PDE4D: variants seen among roughly 807,000 people sequenced by gnomAD.
The protein encoded by PDE4D is phosphodiesterase 4D.
A neutral mutation model predicts 87.4 loss-of-function variants in PDE4D; 24 were observed. The observed-to-expected ratio is 0.27, with a 90% CI of 0.20 to 0.39. The LOEUF is 0.39. PDE4D is among the 10% of genes least tolerant of loss of function. The pLI is 1.00. For synonymous variants in PDE4D, 384 were observed against 383.2 expected, an observed-to-expected ratio of 1.00 and a Z score of -0.02; for missense variants, 714 against 1,041.0, an observed-to-expected ratio of 0.69 and a Z score of 4.32.
chr5:59,701,787 A>G (rs556236409), intron 1 of PDE4D, among the ~76,000 whole-genome samples: 2 of 152,252 alleles, frequency 1.3e-5, no homozygotes, highest in Admixed American at 6.5e-5. Flanking sequence ...AAGCTTTAGT[A>G]CAGTTCACAC....
At chr5:60,316,393 G>T (rs189611778) in intron 1 of PDE4D, among the ~76,000 whole-genome samples, 1 of 152,094 alleles carries the variant, frequency 6.6e-6, no homozygotes, top group African/African-American at 2.4e-5. Context: ...GGGCTGAGAC[G>T]ATGGGGTTTT....
chr5:59,628,426 C>T lies in PDE4D; in HGVS notation c.455+264742G>A, dbSNP rs114922058. ...ATATCTGTGCTGTCCAATATAATAG[C>T]CACTAATGGATATTTAAATTTAGAT... is the stretch of plus-strand genomic sequence containing the variant. On this transcript the variant is annotated intron_variant, in intron 1 of 14. Coordinates refer to ENST00000340635, the MANE Select transcript of PDE4D (RefSeq NM_001104631.2). Among the ~76,000 whole-genome samples the T allele has an allele frequency of 3.6e-3, 548 of 152,228 alleles. 5 individuals carry two copies. The highest frequency in any genetic ancestry group is 0.013 in the African/African-American group (529 of 41,528).
At chr5:60,254,100 T>C (rs536338976) in intron 1 of PDE4D, among the ~76,000 whole-genome samples, 19 of 152,006 alleles carry the variant, frequency 1.2e-4, no homozygotes, top group Non-Finnish European at 2.4e-4. Flanking sequence ...CAAAAGATAA[T>C]GTAGCACTGT....
intron 2 of PDE4D, chr5:60,127,666 G>A: frequency 3.3e-6 from 2 of 599,256 alleles, no homozygotes; most frequent in Non-Finnish European, 6.0e-6. Flanking sequence ...AGAAAAATCA[G>A]GTCGCAGTAA....
chr5:60,488,626 G>A (rs1749339984), upstream of PDE4D, among the ~76,000 whole-genome samples: 1 of 152,022 alleles, frequency 6.6e-6, no homozygotes, highest in Non-Finnish European at 1.5e-5. Flanking sequence ...ACGATCATTT[G>A]TGGAGGAAAA....
intron 1 of PDE4D, chr5:59,275,862 A>G: frequency 1.0e-6 from 1 of 985,762 alleles, no homozygotes; most frequent in Non-Finnish European, 1.2e-6. Context: ...GAGAGCTGTC[A>G]AGGAAGTTCC....
intron 1 of PDE4D, among the ~76,000 whole-genome samples, chr5:59,242,677 A>G (rs2153523247): frequency 6.6e-6 from 1 of 152,294 alleles, no homozygotes; most frequent in East Asian, 1.9e-4. Context: ...ACATTTATTG[A>G]GTATTTACTG....
In PDE4D at chr5:59,392,503, C is replaced by CTATATATA. The variant is rs3061702; in HGVS notation, c.456-176543_456-176536dup. ...ACCCTTTATATATATGTGTGTGTGT[C>CTATATATA]TATATATATATATATATATATTCCA... On this transcript the variant is annotated intron_variant, in intron 1 of 14. Coordinates refer to ENST00000340635, the MANE Select transcript of PDE4D (RefSeq NM_001104631.2). 6.1e-3 allele frequency among the ~76,000 whole-genome samples: 855 copies of CTATATATA among 139,328 alleles called. 11 individuals are homozygous for CTATATATA. The highest frequency in any genetic ancestry group is 0.013 in the African/African-American group (482 of 37,060). 91.4% of individuals were successfully genotyped at this position (139,328 alleles called of 152,430 possible). A position where few individuals can be genotyped will look rare whatever the true frequency, so the allele number is the denominator to read the frequency against.
At chr5:59,306,043 G>T (rs1314109709) in intron 1 of PDE4D, among the ~76,000 whole-genome samples, 1 of 152,108 alleles carries the variant, frequency 6.6e-6, no homozygotes, top group Non-Finnish European at 1.5e-5. Context: ...AGGTCTGTTA[G>T]TAATTGTTTT....
chr5:59,576,662 G>A (rs1296947800), intron 1 of PDE4D, among the ~76,000 whole-genome samples: 2 of 152,078 alleles, frequency 1.3e-5, no homozygotes, highest in Admixed American at 1.3e-4. Flanking sequence ...GTTAATACCT[G>A]GTCTCAAAGG....
intron 1 of PDE4D, among the ~76,000 whole-genome samples, chr5:59,790,068 A>C (rs1765614190): frequency 6.6e-6 from 1 of 152,204 alleles, no homozygotes; most frequent in African/African-American, 2.4e-5. Flanking sequence ...AACCTGTGAC[A>C]GAGACACACA....
chr5:60,303,402 G>A (rs1221204231), intron 1 of PDE4D, among the ~76,000 whole-genome samples: 1 of 147,776 alleles, frequency 6.8e-6, no homozygotes, highest in African/African-American at 2.5e-5. Flanking sequence ...TCCGCCTCCC[G>A]GGTTCACGCC....
In PDE4D at chr5:60,391,988, G is replaced by A. The variant is rs571176482; in HGVS notation, c.-90+95954C>T. On this transcript the variant is annotated intron_variant, in intron 1 of 16. Transcript: ENST00000502484. The stretch of plus-strand genomic sequence containing the variant: ...ATTCAAGACCCTTCTGAAACTGTTG[G>A]TTTTATAACCTGGGATGACTAACTC... Among the ~76,000 whole-genome samples the A allele has an allele frequency of 3.1e-4, 47 of 152,256 alleles. 1 individual carries two copies. The highest frequency in any genetic ancestry group is 2.3e-3 in the South Asian group (11 of 4,828).
chr5:59,457,571 G>C (rs1389679470), intron 1 of PDE4D, among the ~76,000 whole-genome samples: 1 of 152,124 alleles, frequency 6.6e-6, no homozygotes, highest in Non-Finnish European at 1.5e-5. Context: ...ATGGGTAAAT[G>C]AACACAATAC....
At chr5:60,260,591 T>C (rs1007381965) in intron 1 of PDE4D, among the ~76,000 whole-genome samples, 2 of 152,070 alleles carry the variant, frequency 1.3e-5, no homozygotes, top group Non-Finnish European at 1.5e-5. Flanking sequence ...CCAGTCACAA[T>C]TAAGGGACTG....
intron 5 of PDE4D, among the ~76,000 whole-genome samples, chr5:59,116,960 T>A (rs970114756): frequency 6.6e-6 from 1 of 152,206 alleles, no homozygotes; most frequent in Non-Finnish European, 1.5e-5. Context: ...TTCAAATAAC[T>A]AACAACAGCT....
chr5:59,730,197 G>T (rs1226629519), intron 1 of PDE4D, among the ~76,000 whole-genome samples: 1 of 152,028 alleles, frequency 6.6e-6, no homozygotes, highest in Non-Finnish European at 1.5e-5. Context: ...GCTGGAATGG[G>T]GAAGAAAGAA....
intron 1 of PDE4D, among the ~76,000 whole-genome samples, chr5:60,495,640 C>G (rs960608867): frequency 3.9e-5 from 6 of 152,208 alleles, no homozygotes; most frequent in African/African-American, 1.2e-4. Flanking sequence ...TTAGACTTGA[C>G]CTTTTGCTAA....
At chr5:60,108,047 T>C (rs1183477253) in intron 2 of PDE4D, among the ~76,000 whole-genome samples, 1 of 152,036 alleles carries the variant, frequency 6.6e-6, no homozygotes, top group African/African-American at 2.4e-5. Flanking sequence ...GGTATTCAGT[T>C]AGGAAAAGAG....
Sources: allele counts gnomAD v4.1 joint callset (sites outside exome capture counted in the v4.1 genomes callset), GRCh38; gene constraint gnomAD v4.1.1; transcripts MANE v1.5; gene names NCBI Gene and HGNC (gene_info 2026-07-23, HGNC 2026-07-21).